Variants in AFF1 observed in about 807,000 individuals in gnomAD.
The protein encoded by AFF1 is ALF transcription elongation factor 1.
AFF1 carries 48 observed loss-of-function variants against 121.7 expected under a neutral mutation model. The ratio of observed to expected loss-of-function variants is 0.39; its 90% CI spans 0.31 to 0.50. The LOEUF is 0.50. Ranked by LOEUF, AFF1 falls within the 20% of genes least tolerant of loss-of-function variation. AFF1 has a pLI of 0.76. For synonymous variants in AFF1, 613 were observed against 563.0 expected (o/e 1.09, Z -1.26); for missense variants, 1,523 against 1,511.7 (o/e 1.01, Z -0.12).
At chr4:87,031,065 G>C (rs976741322) in intron 2 of AFF1, among the ~76,000 whole-genome samples, 5 of 152,160 alleles carry the variant, frequency 3.3e-5, no homozygotes, top group Admixed American at 6.5e-5. Flanking sequence ...TGTCTGGGGT[G>C]GGGGTAGGAG....
At position 87,047,090 on chromosome 4, in the gene AFF1, C is replaced by T. The variant is rs753834961; in HGVS notation, c.555C>T (p.Asp185=). ...GCTCTAGTCATCACAAGAAAGGTGA[C>T]CGAAGAGCTGACGGAGACCACTGTG... is the stretch of plus-strand genomic sequence containing the variant. ...GFGSSHHKKG[D]RRADGDHCAS... The change falls in exon 4 of 21, where the codon GAC becomes GAT. Residue 185 remains aspartate (D), a synonymous_variant. Coordinates refer to ENST00000395146, the MANE Select transcript of AFF1 (RefSeq NM_001166693.3). 6.2e-7 allele frequency: 1 copy of T among 1,614,030 alleles called. No homozygotes were observed. Among genetic ancestry groups the T allele is most frequent in the Non-Finnish European group, 8.5e-7 (1 of 1,180,034 alleles).
At chr4:87,014,379 A>G (rs1727101192) in intron 2 of AFF1, among the ~76,000 whole-genome samples, 1 of 152,232 alleles carries the variant, frequency 6.6e-6, no homozygotes, top group African/African-American at 2.4e-5. Context: ...TTTTGTCCAA[A>G]CTTTGTGAAA....
chr4:86,969,655 CGGA>C (rs1560508237), intron 2 of AFF1, among the ~76,000 whole-genome samples: 12 of 150,356 alleles, frequency 8.0e-5, no homozygotes, highest in African/African-American at 2.9e-4. Flanking sequence ...CCGAGGCAGG[CGGA>C]TCACGAGGTC....
At chr4:87,111,001 T>TATTTTATTTTATTTTA (rs1560635270) in intron 11 of AFF1, among the ~76,000 whole-genome samples, 1 of 85,360 alleles carries the variant, frequency 1.2e-5, no homozygotes, top group African/African-American at 5.4e-5. Flanking sequence ...AAACTTTATT[T>TATTTTATTTTATTTTA]TTTTTTTTTT....
At chr4:87,061,613 A>G (rs1222296028) in intron 4 of AFF1, among the ~76,000 whole-genome samples, 2 of 152,234 alleles carry the variant, frequency 1.3e-5, no homozygotes, top group Non-Finnish European at 2.9e-5. Context: ...TTGGCAACAT[A>G]CAGTCTTACA....
In AFF1 at chr4:87,046,774, C is replaced by G. The variant is rs560535290; in HGVS notation, c.239C>G (p.Thr80Ser). Residue 80 changes from threonine (T) to serine (S), a missense_variant, in exon 4 of 21, where the codon ACT (threonine) becomes AGT (serine). Physicochemically the swap from Thr to Ser is moderately conservative, Grantham distance 58. This residue lies in a region of AFF1 where 369 missense variants were observed against 367.2 expected (regional missense o/e 1.00). Transcript: ENST00000395146. ...GAAGAAGTGAAGGAGTTCCTTAGTACTAAGTCTCACACTCATCGCCTGGAT... is the reference window on the plus strand; with the variant it reads ...GAAGAAGTGAAGGAGTTCCTTAGTAGTAAGTCTCACACTCATCGCCTGGAT... ...NYEEVKEFLS[T>S]KSHTHRLDAS... The G allele has an allele frequency of 4.3e-6, 7 of 1,614,106 alleles. No individual in the cohort carries two copies. Among genetic ancestry groups the G allele is most frequent in the Non-Finnish European group, 5.1e-6 (6 of 1,180,014 alleles).
chr4:87,131,324 A>G, intron 17 of AFF1, 105 bp downstream of exon 17: 1 of 1,455,568 alleles, frequency 6.9e-7, no homozygotes, highest in Non-Finnish European at 9.3e-7. Context: ...AATAAAGGGG[A>G]GCCTTAAAAA....
chr4:87,020,841 C>T (rs1317750074), intron 2 of AFF1: 1 of 984,854 alleles, frequency 1.0e-6, no homozygotes, highest in Non-Finnish European at 1.2e-6. Flanking sequence ...TTCAAATTGT[C>T]CTGTTTGGCA....
At chr4:87,069,533 T>TCCTCTTTCTCG (rs1560595188) in intron 4 of AFF1, among the ~76,000 whole-genome samples, 1 of 110,518 alleles carries the variant, frequency 9.0e-6, no homozygotes, top group African/African-American at 6.7e-5. Flanking sequence ...CCTCTTTCTC[T>TCCTCTTTCTCG]CCCCTCCTCT....
Position 87,046,873 on chromosome 4 carries a change from C to G in AFF1, c.338C>G (p.Ser113Cys). ...PDKGSSIPSS[S>C]FHTSVHHQSI... ...AAAGGGAGCAGCATTCCATCCAGCTCCTTCCACACTAGTGTCCACCACCAG... is the reference window on the plus strand; with the variant it reads ...AAAGGGAGCAGCATTCCATCCAGCTGCTTCCACACTAGTGTCCACCACCAG... Residue 113 changes from serine to cysteine, a missense_variant, in exon 4 of 21, where the codon TCC becomes TGC. Transcript: ENST00000395146. 6.2e-7 allele frequency: 1 copy of G among 1,614,218 alleles called. No individual in the cohort carries two copies. The highest frequency in any genetic ancestry group is 8.5e-7 in the Non-Finnish European group (1 of 1,180,044).
At chr4:86,954,770 G>T (rs142305096) in intron 2 of AFF1, among the ~76,000 whole-genome samples, 3,211 of 152,206 alleles carry the variant, frequency 0.021, 136 homozygotes, top group African/African-American at 0.073. Context: ...TTCATTAAGT[G>T]GAAGTGGATC....
rs1472379076 is a variant in AFF1, at chr4:87,006,865, T to C, written c.39-39301T>C. On this transcript the variant is annotated intron_variant, in intron 2 of 20. Transcript: ENST00000395146. ...CCCCTACCCGACCCTGCCTGCCGCT[T>C]GCCGCCTGCCTTTGGCTAGGGCCGC... 4.0e-6 allele frequency: 3 copies of C among 745,088 alleles called. No individual in the cohort carries two copies. The African/African-American group carries it at 5.7e-5, about 14-fold the overall frequency. The allele number at this position is 745,088 out of a possible 1,614,324, so 46.2% of individuals were successfully genotyped here.
chr4:87,129,581 C>T (rs1484825567), intron 16 of AFF1, among the ~76,000 whole-genome samples: 1 of 152,194 alleles, frequency 6.6e-6, no homozygotes, highest in African/African-American at 2.4e-5. Flanking sequence ...GCAAACCGGT[C>T]ATGCCAAATA....
At position 87,031,066 on chromosome 4, in the gene AFF1, G is replaced by A. The variant is rs1429055848; in HGVS notation, c.39-15100G>A. On this transcript the variant is annotated intron_variant, in intron 2 of 20. Transcript: ENST00000395146. ...AGCCCACAGGCCGTTGTCTGGGGTG[G>A]GGGTAGGAGGGTATTGCAGGCTCTG... is the stretch of plus-strand genomic sequence containing the variant. Among the ~76,000 whole-genome samples the A allele has an allele frequency of 2.0e-5, 3 of 152,184 alleles. No individual in the cohort carries two copies. In the East Asian group the frequency reaches 5.8e-4, roughly 29 times the overall value.
intron 2 of AFF1, among the ~76,000 whole-genome samples, chr4:86,967,471 A>G (rs1314015132): frequency 1.3e-5 from 2 of 152,194 alleles, no homozygotes; most frequent in East Asian, 1.9e-4. Flanking sequence ...GAAGCCATCA[A>G]ACTATTTTAA....
At chr4:86,974,386 G>A (rs1723148849) in intron 2 of AFF1, among the ~76,000 whole-genome samples, 1 of 152,158 alleles carries the variant, frequency 6.6e-6, no homozygotes, top group South Asian at 2.1e-4. Context: ...CTGACCTCAG[G>A]ATGCGCCTGC....
Position 87,139,414 on chromosome 4 carries a change from A to G in AFF1, c.*3713A>G, listed in dbSNP as rs188313993. The G allele has an allele frequency of 6.6e-4, 154 of 232,704 alleles. 2 individuals are homozygous for G. The East Asian group carries it at 8.5e-3, about 13-fold the overall frequency. The allele number at this position is 232,704 out of a possible 1,614,324, so 14.4% of individuals were successfully genotyped here. ...GCTTGCTTCCTACCACAGATTCTTT[A>G]TTTTCCCAAACACTACAAAAAAACT... On this transcript the variant is annotated 3_prime_UTR_variant, in exon 21 of 21. Transcript: ENST00000395146.
chr4:86,956,421 T>C (rs1001610984), intron 2 of AFF1, among the ~76,000 whole-genome samples: 1 of 152,230 alleles, frequency 6.6e-6, no homozygotes, highest in Non-Finnish European at 1.5e-5. Flanking sequence ...CTTCTACAAG[T>C]GGCATAGTCA....
intron 8 of AFF1, among the ~76,000 whole-genome samples, chr4:87,103,973 A>G (rs1469472874): frequency 6.6e-6 from 1 of 152,214 alleles, no homozygotes; most frequent in African/African-American, 2.4e-5. Flanking sequence ...TTTCAAAGAT[A>G]CATCTTTTAT....
Sources: allele counts gnomAD v4.1 joint callset (sites outside exome capture counted in the v4.1 genomes callset), GRCh38; gene constraint gnomAD v4.1.1; regional missense constraint gnomAD v4.1.1; transcripts MANE v1.5; gene names NCBI Gene and HGNC (gene_info 2026-07-23, HGNC 2026-07-21).